C8B: variants seen among roughly 807,000 people sequenced by gnomAD.
The protein encoded by C8B is complement C8 beta chain.
Under a neutral mutation model 64.6 loss-of-function variants are expected in C8B, and 67 were observed. That is an observed-to-expected ratio of 1.04 (90% CI 0.85 to 1.27). The LOEUF (loss-of-function observed/expected upper bound fraction) is 1.27, where lower values mean the gene tolerates loss of function less well. Ranked by LOEUF, C8B falls within the 50% of genes most tolerant of loss-of-function variation. C8B has a pLI of 0.00. For synonymous variants in C8B, 284 were observed against 257.7 expected (o/e 1.10, Z -0.98); for missense variants, 790 against 725.2 (o/e 1.09, Z -1.03).
intron 6 of C8B, among the ~76,000 whole-genome samples, chr1:56,946,859 A>G (rs1357954048): frequency 6.6e-6 from 1 of 152,204 alleles, no homozygotes; most frequent in Non-Finnish European, 1.5e-5. Context: ...TGTTCGGCCT[A>G]ATCCTAAATC....
rs754941165 is a variant in C8B, at chr1:56,933,322, C to CT, written c.1552+12dup. The CT allele has an allele frequency of 6.2e-7, 1 of 1,612,288 alleles. No homozygotes were observed. The highest frequency in any genetic ancestry group is 8.5e-7 in the Non-Finnish European group (1 of 1,178,420). On this transcript the variant is annotated intron_variant, in intron 10 of 11. Transcript: ENST00000371237. ...GGCTTCCACCAGGGACACCAGCTGC[C>CT]TGAAAGTGGTACCTTTCAGGACAGG...
rs372123388 is a variant in C8B at position 56,946,057 on chromosome 1, C to G, written c.869G>C (p.Ser290Thr). The G allele has an allele frequency of 1.2e-6, 2 of 1,613,970 alleles. No individual in the cohort carries two copies. Among genetic ancestry groups the G allele is most frequent in the African/African-American group, 2.7e-5 (2 of 74,922 alleles). The stretch of plus-strand genomic sequence containing the variant: ...GTCAGAGCGTGCATGCAGAAATACG[C>G]TTTTCTAAATGAAATACCAACATGG... ...RRTKRFSHTK[S>T]VFLHARSDLE... The change falls in exon 7 of 12, where the codon AGC (serine) becomes ACC (threonine). Residue 290 changes from serine (S) to threonine (T), a missense_variant. By Grantham distance (58) the Ser-to-Thr change is moderately conservative. Transcript: ENST00000371237.
chr1:56,946,102 T>C (rs751704682), intron 6 of C8B, 41 bp from the exon 7 acceptor site: 2 of 1,612,264 alleles, frequency 1.2e-6, no homozygotes, highest in Admixed American at 3.3e-5. Flanking sequence ...ACCTTTAAAG[T>C]TAGGAATCTG....
Position 56,929,285 on chromosome 1 carries a change from A to G in C8B, c.*119T>C, listed in dbSNP as rs1314107227. 1 of 991,686 alleles carries G rather than the reference A, an allele frequency of 1.0e-6. No homozygotes were observed. The highest frequency in any genetic ancestry group is 1.6e-6 in the Non-Finnish European group (1 of 616,250). 61.4% of individuals were successfully genotyped at this position (991,686 alleles called of 1,614,324 possible). Reference sequence around the variant, plus strand: ...AACATCTTTATTTTAAACAGCTTGCATGGCACTGCCTTTTGCCCTTGCATG... The same window carrying G: ...AACATCTTTATTTTAAACAGCTTGCGTGGCACTGCCTTTTGCCCTTGCATG... On this transcript the variant is annotated 3_prime_UTR_variant, in exon 12 of 12. Coordinates refer to ENST00000371237, the MANE Select transcript of C8B (RefSeq NM_000066.4).
chr1:56,931,717 G>A (rs1406824538), intron 11 of C8B, 93 bp downstream of exon 11: 2 of 813,476 alleles, frequency 2.5e-6, no homozygotes, highest in African/African-American at 1.7e-5. Context: ...AGGTTTCCTA[G>A]TATCCAGCCC....
intron 1 of C8B, 47 bp downstream of exon 1, chr1:56,965,810 T>G (rs1356524289): frequency 6.2e-6 from 10 of 1,604,136 alleles, no homozygotes; most frequent in Non-Finnish European, 8.5e-6. Flanking sequence ...GGCTGCACCT[T>G]CCCTGTCATA....
chr1:56,954,889 T>C, intron 3 of C8B, 62 bp from the exon 4 acceptor site: 4 of 1,598,662 alleles, frequency 2.5e-6, no homozygotes, highest in Non-Finnish European at 3.4e-6. Flanking sequence ...ACTAACATAG[T>C]ATAAGCACCT....
At chr1:56,956,102 A>G (rs617283) in intron 3 of C8B, among the ~76,000 whole-genome samples, 94,968 of 151,952 alleles carry the variant, frequency 0.62, 29,943 homozygotes, top group South Asian at 0.7. Flanking sequence ...TCATGGATTA[A>G]GGATCATCTT....
chr1:56,958,506 G>C (rs1398579277), intron 2 of C8B, among the ~76,000 whole-genome samples: 2 of 151,876 alleles, frequency 1.3e-5, no homozygotes, highest in East Asian at 3.9e-4. Context: ...AAAAAAAAAA[G>C]ACTAAAAAGC....
intron 9 of C8B, among the ~76,000 whole-genome samples, chr1:56,934,037 C>G (rs1478955477): frequency 6.6e-6 from 1 of 152,188 alleles, no homozygotes; most frequent in Non-Finnish European, 1.5e-5. Flanking sequence ...AGCTGCAAAG[C>G]TCACAGAACA....
At chr1:56,933,992 C>T (rs1644739938) in intron 9 of C8B, among the ~76,000 whole-genome samples, 1 of 152,114 alleles carries the variant, frequency 6.6e-6, no homozygotes. Flanking sequence ...AAAATCATTC[C>T]CATCCTGCAA....
rs771548491 is a variant in C8B, at chr1:56,945,965, C to T, written c.961G>A (p.Val321Ile). 2.5e-6 allele frequency: 4 copies of T among 1,614,156 alleles called. No individual in the cohort carries two copies. Among genetic ancestry groups the T allele is most frequent in the Non-Finnish European group, 3.4e-6 (4 of 1,180,016 alleles). The change falls in exon 7 of 12, where the codon GTT (valine) becomes ATT (isoleucine). Residue 321 changes from valine (V) to isoleucine (I), a missense_variant. Transcript: ENST00000371237. ...LMLHYEFLQR[V>I]KRLPLEYSYG... ...CTGTACTCCAGGGGCAGCCGCTTAA[C>T]TCTCTGAAGGAACTCGTAATGGAGC...
rs1416587699 is a variant in C8B at position 56,933,481 on chromosome 1, G to A, written c.1406C>T (p.Pro469Leu). 1 of 1,613,584 alleles carries A rather than the reference G, an allele frequency of 6.2e-7. No homozygotes were observed. Among genetic ancestry groups the A allele is most frequent in the Non-Finnish European group, 8.5e-7 (1 of 1,179,586 alleles). Residue 469 changes from proline to leucine, a missense_variant, in exon 10 of 12, where the codon CCT (proline) becomes CTT (leucine). By Grantham distance (98) the Pro-to-Leu change is moderately conservative. Transcript: ENST00000371237. ...NPAIIKVKVEPLYELVTATDF... is the reference protein window; with the variant it reads ...NPAIIKVKVELLYELVTATDF... ...TGTGGCTGTCACTAGTTCATACAGA[G>A]GCTCCACCTGGAAAGGGAAAAGGGC... is the stretch of plus-strand genomic sequence containing the variant.
intron 11 of C8B, among the ~76,000 whole-genome samples, chr1:56,930,573 C>A (rs1265825167): frequency 6.6e-6 from 1 of 152,096 alleles, no homozygotes; most frequent in African/African-American, 2.4e-5. Context: ...GAGTGTTTTA[C>A]TGGGAACATA....
intron 7 of C8B, 117 bp downstream of exon 7, chr1:56,945,704 G>T: frequency 7.8e-7 from 1 of 1,275,128 alleles, no homozygotes; most frequent in Non-Finnish European, 1.1e-6. Flanking sequence ...AAGAGGAAGA[G>T]GAATCTGCAA....
intron 2 of C8B, among the ~76,000 whole-genome samples, chr1:56,957,919 C>T (rs1336392645): frequency 2.6e-5 from 4 of 152,114 alleles, no homozygotes; most frequent in African/African-American, 4.8e-5. Flanking sequence ...TCAGCTGAAA[C>T]TTGATGGCTG....
At chr1:56,943,351 T>G (rs1644892610) in intron 8 of C8B, among the ~76,000 whole-genome samples, 1 of 152,200 alleles carries the variant, frequency 6.6e-6, no homozygotes. Context: ...ATAATCCAAG[T>G]GTTCATCAAC....
chr1:56,946,130 T>A, intron 6 of C8B, 69 bp from the exon 7 acceptor site: 1 of 1,578,236 alleles, frequency 6.3e-7, no homozygotes, highest in South Asian at 1.1e-5. Context: ...AAGATGAACT[T>A]TACAAATACC....
chr1:56,961,129 T>C (rs1345347683), intron 1 of C8B, among the ~76,000 whole-genome samples: 1 of 152,216 alleles, frequency 6.6e-6, no homozygotes, highest in Non-Finnish European at 1.5e-5. Context: ...TGAATGAGGA[T>C]GCTATTTAAT....
Sources: gnomAD v4.1 joint callset for allele counts (sites outside exome capture counted in the v4.1 genomes callset) on GRCh38, gnomAD v4.1.1 for gene constraint, MANE v1.5 for transcripts, NCBI Gene and HGNC (gene_info 2026-07-23, HGNC 2026-07-21) for gene names.